NEB: variants seen among roughly 807,000 people sequenced by gnomAD.
NEB encodes the protein nemaline myopathy type 2.
In NEB, 512 loss-of-function variants were observed where a neutral mutation model predicts 952.2. That is an observed-to-expected ratio of 0.54 (90% confidence interval 0.50 to 0.58). The LOEUF (loss-of-function observed/expected upper bound fraction) is 0.58, where lower values mean the gene tolerates loss of function less well. Ranked by LOEUF, NEB falls within the 20% of genes least tolerant of loss-of-function variation. The pLI, the probability that NEB is intolerant of heterozygous loss-of-function variation, is 0.00. For synonymous variants in NEB, 2,900 were observed against 3,149.8 expected (o/e 0.92, Z 2.66); for missense variants, 8,428 against 9,231.1 (o/e 0.91, Z 3.56).
rs1454960791 is a variant in NEB at position 151,506,206 on chromosome 2, T to A, written c.23609A>T (p.Glu7870Val). 6.2e-7 allele frequency: 1 copy of A among 1,613,776 alleles called. No homozygotes were observed. Among genetic ancestry groups the A allele is most frequent in the African/African-American group, 1.3e-5 (1 of 75,060 alleles). Residue 7870 changes from glutamate to valine, a missense_variant, in exon 164 of 182, where the codon GAG (glutamate) becomes GTG (valine). Glu to Val is a moderately radical substitution (Grantham distance 121, BLOSUM62 -2). Coordinates refer to ENST00000397345, the MANE Select transcript of NEB (RefSeq NM_001164508.2). ...SPGTAIGKTP[E>V]MMRVKQTQDH... ...CTGTGTTTGTTTCACTCTCATCATC[T>A]CAGGTGTCTTTCCGATAGCCGTTCC...
At position 151,643,938 on chromosome 2, in the gene NEB, G is replaced by A. The variant is rs1356180240; in HGVS notation, c.7836C>T (p.Ala2612=). 6.2e-7 allele frequency: 1 copy of A among 1,613,844 alleles called. No individual in the cohort carries two copies. Among genetic ancestry groups the A allele is most frequent in the South Asian group, 1.1e-5 (1 of 91,062 alleles). The part of the protein sequence containing the change: ...SPVDMLGVVL[A]KKCQTLVSDV... ...CGCTGACTAAGGTCTGGCACTTCTT[G>A]GCCAACACCACCCCCAGCATGTCCA... The change falls in exon 57 of 182, where the codon GCC becomes GCT. Residue 2612 remains alanine, a synonymous_variant. Transcript: ENST00000397345.
chr2:151,625,745 G>A, intron 70 of NEB, 107 bp from the exon 71 acceptor site: 1 of 614,086 alleles, frequency 1.6e-6, no homozygotes. Flanking sequence ...CTTGCTGTCT[G>A]TTCCATGTAT....
chr2:151,612,413 A>G (rs759364637), intron 77 of NEB, 24 bp from the exon 78 acceptor site: 4 of 1,600,340 alleles, frequency 2.5e-6, no homozygotes, highest in Non-Finnish European at 3.4e-6. Context: ...AATGTCAAAT[A>G]TTTATAGATG....
intron 66 of NEB, 99 bp downstream of exon 66, chr2:151,631,044 C>G: frequency 6.8e-7 from 1 of 1,461,182 alleles, no homozygotes; most frequent in South Asian, 1.3e-5. Flanking sequence ...GGTAAAAATG[C>G]GACCCCACGC....
At chr2:151,653,543 A>G (rs1314628986) in intron 52 of NEB, among the ~76,000 whole-genome samples, 1 of 152,206 alleles carries the variant, frequency 6.6e-6, no homozygotes, top group Admixed American at 6.6e-5. Flanking sequence ...ACAATTATAT[A>G]AGTGCAAAAT....
At chr2:151,504,045 A>G (rs1303088172) in intron 165 of NEB, among the ~76,000 whole-genome samples, 1 of 152,090 alleles carries the variant, frequency 6.6e-6, no homozygotes, top group Non-Finnish European at 1.5e-5. Flanking sequence ...AGAAGTCCAT[A>G]TTTTTTAGTA....
At position 151,493,741 on chromosome 2, in the gene NEB, G is replaced by C. The variant is rs756558819; in HGVS notation, c.24672+34C>G. The C allele has an allele frequency of 1.7e-5, 25 of 1,444,216 alleles. No individual in the cohort carries two copies. In the South Asian group the frequency reaches 2.7e-4, roughly 16 times the overall value. The allele number at this position is 1,444,216 out of a possible 1,614,324, so 89.5% of individuals were successfully genotyped here. On this transcript the variant is annotated intron_variant, in intron 175 of 181. Transcript: ENST00000397345. The stretch of plus-strand genomic sequence containing the variant: ...CAACCATGTTTGCCAGGGCTGTTAA[G>C]ATTTTAAGGATTTATTTTTCCTTTC...
In NEB at chr2:151,490,336, G is replaced by T. The variant is rs753178123; in HGVS notation, c.25297+36C>A. The T allele has an allele frequency of 5.1e-6, 8 of 1,573,814 alleles. No homozygotes were observed. The East Asian group carries it at 1.9e-4, about 37-fold the overall frequency. ...ATAGTAACCATCAATGAGCTGGCCG[G>T]GTGGGACTGCCAAAATCAGCGCCAG... On this transcript the variant is annotated intron_variant, in intron 180 of 181. Transcript: ENST00000397345.
rs367668195 is a variant in NEB, at chr2:151,541,503, C to T, written c.20626G>A (p.Val6876Ile). The T allele has an allele frequency of 1.9e-6, 3 of 1,613,512 alleles. No homozygotes were observed. Among genetic ancestry groups the T allele is most frequent in the African/African-American group, 2.7e-5 (2 of 74,908 alleles). The change falls in exon 136 of 182, where the codon GTT becomes ATT. Residue 6876 changes from valine (V) to isoleucine (I), a missense_variant. By Grantham distance (29) the Val-to-Ile change is conservative. Coordinates refer to ENST00000397345, the MANE Select transcript of NEB (RefSeq NM_001164508.2). Reference sequence around the variant, plus strand: ...CTTAAAAGATCAGGAGTATCAGGAACTGAAGTAAAGATTGACTTCTGCTTC... The same window carrying T: ...CTTAAAAGATCAGGAGTATCAGGAATTGAAGTAAAGATTGACTTCTGCTTC... Reference protein sequence around the residue: ...GKKQKSIFTSVPDTPDLLRAK... With the variant: ...GKKQKSIFTSIPDTPDLLRAK...
chr2:151,624,346 T>G (rs2098477618), intron 71 of NEB, among the ~76,000 whole-genome samples: 3 of 152,088 alleles, frequency 2.0e-5, no homozygotes, highest in African/African-American at 7.2e-5. Flanking sequence ...AAAATCTACT[T>G]CAGTTCCCCT....
Position 151,666,139 on chromosome 2 carries a change from T to G in NEB, c.4982A>C (p.Asp1661Ala), listed in dbSNP as rs758186123. Residue 1661 changes from aspartate (D) to alanine (A), a missense_variant, in exon 41 of 182, where the codon GAT becomes GCT. This residue lies in a region of NEB where 2,851 missense variants were observed against 2,791.5 expected (regional missense o/e 1.02). Transcript: ENST00000397345. ...CCTGGAGTGCTCCACATTCAAGGCA[T>G]CGGGCAGGAGAGTGTAGTGGTGGTA... ...QSYHHYTLLP[D>A]ALNVEHSRNA... The G allele has an allele frequency of 6.8e-6, 11 of 1,613,850 alleles. No homozygotes were observed. In the South Asian group the frequency reaches 1.1e-4, roughly 16 times the overall value.
Position 151,565,083 on chromosome 2 carries a change from A to G in NEB, c.18432T>C (p.His6144=). ...GKYTFSPDTP[H]ISHSKDMGKL... ...TTCCCATGTCTTTGGAGTGGGAGAT[A>G]TGTGGTGTATCTGGTGAAAACGTAT... The change falls in exon 117 of 182, where the codon CAT becomes CAC. Residue 6144 remains histidine, a synonymous_variant. Transcript: ENST00000397345. 1.3e-6 allele frequency: 2 copies of G among 1,598,638 alleles called. No homozygotes were observed. Among genetic ancestry groups the G allele is most frequent in the South Asian group, 1.1e-5 (1 of 89,720 alleles).
In NEB at chr2:151,489,968, T is replaced by TA; in HGVS notation, c.25404+2dup. On this transcript the variant is annotated splice_region_variant and intron_variant, in intron 181 of 181. Coordinates refer to ENST00000397345, the MANE Select transcript of NEB (RefSeq NM_001164508.2). ...TTATTTAAGTGAGTTGTTATTCACTTACTCCAGCAGTAGATGGATGAGATG... is the reference window on the plus strand; with the variant it reads ...TTATTTAAGTGAGTTGTTATTCACTTAACTCCAGCAGTAGATGGATGAGATG... The TA allele has an allele frequency of 6.4e-7, 1 of 1,570,650 alleles. No homozygotes were observed. The highest frequency in any genetic ancestry group is 8.8e-7 in the Non-Finnish European group (1 of 1,140,500).
intron 161 of NEB, among the ~76,000 whole-genome samples, chr2:151,511,764 G>T (rs2074553158): frequency 6.6e-6 from 1 of 152,164 alleles, no homozygotes; most frequent in South Asian, 2.1e-4. Context: ...GAAGATGATG[G>T]AGAGTTATTC....
intron 36 of NEB, among the ~76,000 whole-genome samples, chr2:151,673,542 C>T (rs540361862): frequency 4.5e-4 from 69 of 151,822 alleles, no homozygotes; most frequent in African/African-American, 1.4e-3. Flanking sequence ...TGCAGACCTC[C>T]GAGGAAGATG....
At position 151,696,322 on chromosome 2, in the gene NEB, A is replaced by AG. The variant is rs150018403; in HGVS notation, c.1569+314dup. Among the ~76,000 whole-genome samples, 692 of 152,260 alleles carry AG rather than the reference A, an allele frequency of 4.5e-3. 7 individuals are homozygous for AG. The highest frequency in any genetic ancestry group is 0.016 in the African/African-American group (668 of 41,526). Reference sequence around the variant, plus strand: ...ATTATAAAATGGAAATATCAGGCAGAGGGGGGTTAAATCTTTGGCCACCCA... The same window carrying AG: ...ATTATAAAATGGAAATATCAGGCAGAGGGGGGGTTAAATCTTTGGCCACCCA... On this transcript the variant is annotated intron_variant, in intron 17 of 181. Coordinates refer to ENST00000397345, the MANE Select transcript of NEB (RefSeq NM_001164508.2).
At chr2:151,553,729 G>T in intron 126 of NEB, 99 bp downstream of exon 126, 1 of 1,216,422 alleles carries the variant, frequency 8.2e-7, no homozygotes, top group Non-Finnish European at 1.1e-6. Context: ...AAGAGATAGT[G>T]GAAAAAGGCT....
chr2:151,724,378 G>C lies in NEB; in HGVS notation c.508-14C>G. ...CTTGTATAAAACCTAGACAGAAGGA[G>C]CAGAGGATCTGTGGCTTGAGGTCTC... On this transcript the variant is annotated splice_polypyrimidine_tract_variant and intron_variant, in intron 7 of 181. Coordinates refer to ENST00000397345, the MANE Select transcript of NEB (RefSeq NM_001164508.2). The C allele has an allele frequency of 6.3e-7, 1 of 1,588,338 alleles. No individual in the cohort carries two copies. The highest frequency in any genetic ancestry group is 8.6e-7 in the Non-Finnish European group (1 of 1,161,192).
intron 30 of NEB, 135 bp from the exon 31 acceptor site, chr2:151,680,157 T>G (rs1576102300): frequency 1.5e-6 from 1 of 689,042 alleles, no homozygotes; most frequent in East Asian, 2.7e-5. Flanking sequence ...ATTTGCATAT[T>G]CATGTGCAAA....
Sources: gnomAD v4.1 joint callset for allele counts (sites outside exome capture counted in the v4.1 genomes callset) on GRCh38, gnomAD v4.1.1 for gene constraint, gnomAD v4.1.1 regional missense constraint, MANE v1.5 for transcripts, NCBI Gene and HGNC (gene_info 2026-07-23, HGNC 2026-07-21) for gene names.